SANBR: variants seen among roughly 807,000 people sequenced by gnomAD.
SANBR encodes SANT and BTB domain regulator of CSR, also known as SANT and BTB domain regulator of class switch recombination.
Under a neutral mutation model 101.8 loss-of-function variants are expected in SANBR, and 77 were observed. The ratio of observed to expected loss-of-function variants is 0.76; its 90% CI spans 0.63 to 0.91. The LOEUF is 0.91. Among genes scored for constraint, SANBR ranks in the 40% least tolerant of loss-of-function variants. The pLI is 0.00. For synonymous variants in SANBR, 279 were observed against 274.7 expected (o/e 1.02, Z -0.15); for missense variants, 875 against 853.0 (o/e 1.03, Z -0.32).
chr2:61,088,350 G>C lies in SANBR; in HGVS notation c.978-8G>C. 1.3e-6 allele frequency: 2 copies of C among 1,577,368 alleles called. No homozygotes were observed. The highest frequency in any genetic ancestry group is 1.7e-6 in the Non-Finnish European group (2 of 1,162,638). On this transcript the variant is annotated splice_region_variant and splice_polypyrimidine_tract_variant and intron_variant, in intron 9 of 21. Transcript: ENST00000402291. ...CCTGGATGTTTTTTGTATCTTCTTTGTTTATAGATGCTGTTTGTGTAAGAA... is the reference window on the plus strand; with the variant it reads ...CCTGGATGTTTTTTGTATCTTCTTTCTTTATAGATGCTGTTTGTGTAAGAA...
chr2:61,106,443 T>G (rs1683571770), intron 13 of SANBR, 120 bp from the exon 14 acceptor site: 2 of 646,856 alleles, frequency 3.1e-6, no homozygotes, highest in Non-Finnish European at 5.4e-6. Flanking sequence ...GTGATATCCT[T>G]ATACTCAGGA....
At chr2:61,091,760 T>C (rs1357476048) in intron 10 of SANBR, among the ~76,000 whole-genome samples, 2 of 152,002 alleles carry the variant, frequency 1.3e-5, no homozygotes, top group African/African-American at 4.8e-5. Context: ...TATGACCCTG[T>C]CTCAAAAACG....
At chr2:61,083,131 A>G (rs774646650) in intron 7 of SANBR, 23 bp from the exon 8 acceptor site, 3 of 1,567,888 alleles carry the variant, frequency 1.9e-6, no homozygotes, top group Non-Finnish European at 2.6e-6. Flanking sequence ...TATTTTCGAC[A>G]TTTATTTTCT....
Position 61,092,578 on chromosome 2 carries a change from A to T in SANBR, c.1203A>T (p.Arg401Ser). The change falls in exon 11 of 22, where the codon AGA (arginine) becomes AGT (serine). Residue 401 changes from arginine (R) to serine (S), a missense_variant. By Grantham distance (110) the Arg-to-Ser change is moderately radical. Transcript: ENST00000402291. ...WGTINWLTCS[R>S]CYQAFLCIEF... ...CAATCAATTGGCTGACTTGTTCAAGATGTTATCAGGTAAGATTTTTTTTTT... is the reference window on the plus strand; with the variant it reads ...CAATCAATTGGCTGACTTGTTCAAGTTGTTATCAGGTAAGATTTTTTTTTT... 6.3e-7 allele frequency: 1 copy of T among 1,585,554 alleles called. No homozygotes were observed. Among genetic ancestry groups the T allele is most frequent in the Middle Eastern group, 1.7e-4 (1 of 5,948 alleles).
At chr2:61,109,098 T>G (rs1683699930) in intron 15 of SANBR, 99 bp from the exon 16 acceptor site, 5 of 547,232 alleles carry the variant, frequency 9.1e-6, no homozygotes, top group Non-Finnish European at 1.5e-5. Flanking sequence ...CAGCTCTTGA[T>G]TGACTGATTC....
intron 20 of SANBR, among the ~76,000 whole-genome samples, chr2:61,119,066 A>G (rs1436362201): frequency 1.3e-5 from 2 of 152,246 alleles, no homozygotes; most frequent in Admixed American, 1.3e-4. Context: ...CGACTGTCTG[A>G]AAGTACCAAT....
At chr2:61,085,461 G>T (rs1199735051) in intron 8 of SANBR, among the ~76,000 whole-genome samples, 5 of 151,638 alleles carry the variant, frequency 3.3e-5, no homozygotes, top group African/African-American at 1.2e-4. Context: ...ATTGTCCTTT[G>T]TGTTCTGTTG....
At chr2:61,114,648 T>C (rs1683988303) in intron 16 of SANBR, among the ~76,000 whole-genome samples, 1 of 152,150 alleles carries the variant, frequency 6.6e-6, no homozygotes, top group Admixed American at 6.6e-5. Context: ...TATACATGCA[T>C]GTGTATATAC....
intron 16 of SANBR, among the ~76,000 whole-genome samples, chr2:61,115,571 C>A (rs1203381274): frequency 6.6e-6 from 1 of 151,968 alleles, no homozygotes; most frequent in Non-Finnish European, 1.5e-5. Context: ...CAAAAACAGA[C>A]AAATCTGTAA....
chr2:61,101,254 T>C (rs1009773820), intron 12 of SANBR, among the ~76,000 whole-genome samples: 1 of 152,254 alleles, frequency 6.6e-6, no homozygotes, highest in Non-Finnish European at 1.5e-5. Flanking sequence ...ATTGCTATTA[T>C]GTTTGTTTCA....
At position 61,116,042 on chromosome 2, in the gene SANBR, C is replaced by T; in HGVS notation, c.1808C>T (p.Ala603Val). 3 of 1,610,008 alleles carry T rather than the reference C, an allele frequency of 1.9e-6. No individual in the cohort carries two copies. Among genetic ancestry groups the T allele is most frequent in the South Asian group, 1.1e-5 (1 of 90,230 alleles). ...QPKKQVSSPCAQRKEKALEKS... is the reference protein window; with the variant it reads ...QPKKQVSSPCVQRKEKALEKS... ...AAAAAGCAGGTATCTTCACCCTGTGCCCAGAGGAAAGAAAAGGCATTGGAG... is the reference window on the plus strand; with the variant it reads ...AAAAAGCAGGTATCTTCACCCTGTGTCCAGAGGAAAGAAAAGGCATTGGAG... Residue 603 changes from alanine (A) to valine (V), a missense_variant, in exon 17 of 22, where the codon GCC (alanine) becomes GTC (valine). Coordinates refer to ENST00000402291, the MANE Select transcript of SANBR (RefSeq NM_001129993.3).
chr2:61,092,365 C>T (rs1017506521), intron 10 of SANBR, 99 bp from the exon 11 acceptor site: 1 of 921,950 alleles, frequency 1.1e-6, no homozygotes, highest in Non-Finnish European at 1.5e-6. Context: ...GCCTGGGCAA[C>T]AAGAGTGAAA....
chr2:61,067,534 G>A (rs1293729926), intron 1 of SANBR, among the ~76,000 whole-genome samples: 2 of 152,078 alleles, frequency 1.3e-5, no homozygotes, highest in African/African-American at 4.8e-5. Context: ...TCAGGAGATC[G>A]AGACTATCCT....
At position 61,123,096 on chromosome 2, in the gene SANBR, C is replaced by A. The variant is rs976016158; in HGVS notation, c.*934C>A. On this transcript the variant is annotated 3_prime_UTR_variant, in exon 22 of 22. Coordinates refer to ENST00000402291, the MANE Select transcript of SANBR (RefSeq NM_001129993.3). ...ATTCAAGAAAAATCAAAATAAAATT[C>A]TATTTTATAAATCATGTTTAAATTT... 2.0e-5 allele frequency: 19 copies of A among 967,756 alleles called. No homozygotes were observed. Among genetic ancestry groups the A allele is most frequent in the African/African-American group, 5.3e-5 (3 of 56,848 alleles). The allele number at this position is 967,756 out of a possible 1,614,324, so 59.9% of individuals were successfully genotyped here. A position where few individuals can be genotyped will look rare whatever the true frequency, so the allele number is the denominator to read the frequency against.
intron 21 of SANBR, 126 bp downstream of exon 21, chr2:61,121,402 T>C (rs185334958): frequency 3.9e-4 from 222 of 574,448 alleles, no homozygotes; most frequent in Middle Eastern, 2.2e-3. Flanking sequence ...TCAATGATTA[T>C]ATTATCAAGG....
intron 11 of SANBR, among the ~76,000 whole-genome samples, chr2:61,094,790 T>A (rs1269502599): frequency 6.6e-6 from 1 of 152,092 alleles, no homozygotes; most frequent in African/African-American, 2.4e-5. Context: ...ATTACTGGCA[T>A]GCGCCACATC....
At chr2:61,071,539 G>A (rs550822302) in intron 3 of SANBR, 67 bp from the exon 4 acceptor site, 13 of 1,058,294 alleles carry the variant, frequency 1.2e-5, no homozygotes, top group Admixed American at 3.0e-5. Flanking sequence ...GACAATGTGA[G>A]ACTCCGTCTC....
At chr2:61,112,576 C>A (rs978793190) in intron 16 of SANBR, among the ~76,000 whole-genome samples, 1 of 151,940 alleles carries the variant, frequency 6.6e-6, no homozygotes, top group Non-Finnish European at 1.5e-5. Flanking sequence ...TCACTGCAAC[C>A]TCTGCCTCCT....
chr2:61,086,624 G>T (rs1682444609), intron 8 of SANBR, among the ~76,000 whole-genome samples: 1 of 152,164 alleles, frequency 6.6e-6, no homozygotes, highest in African/African-American at 2.4e-5. Context: ...CATAGAGTAA[G>T]ATGGGGACAG....
Sources: gnomAD v4.1 joint callset for allele counts (sites outside exome capture counted in the v4.1 genomes callset) on GRCh38, gnomAD v4.1.1 for gene constraint, MANE v1.5 for transcripts, NCBI Gene and HGNC (gene_info 2026-07-23, HGNC 2026-07-21) for gene names.